NBEA: variants seen among roughly 807,000 people sequenced by gnomAD.
The protein encoded by NBEA is neurobeachin, also known as lysosomal-trafficking regulator 2.
Under a neutral mutation model 343.4 loss-of-function variants are expected in NBEA, and 44 were observed. That is an observed-to-expected ratio of 0.13 (90% confidence interval 0.10 to 0.16). The LOEUF (loss-of-function observed/expected upper bound fraction) is 0.16. NBEA is among the 10% of genes least tolerant of loss of function. The pLI, the probability that NBEA is intolerant of heterozygous loss-of-function variation, is 1.00. For missense variants in NBEA, 2,555 were observed against 3,631.3 expected, an observed-to-expected ratio of 0.70 and a Z score of 7.62; for synonymous variants, 1,175 against 1,238.7, an observed-to-expected ratio of 0.95 and a Z score of 1.08.
intron 34 of NBEA, among the ~76,000 whole-genome samples, chr13:35,283,270 A>G (rs1428935203): frequency 6.6e-6 from 1 of 152,178 alleles, no homozygotes; most frequent in Non-Finnish European, 1.5e-5. Flanking sequence ...ACACAATGAC[A>G]AAAAATTTAG....
chr13:35,101,523 G>A, intron 11 of NBEA, among the ~76,000 whole-genome samples: 1 of 151,488 alleles, frequency 6.6e-6, no homozygotes, highest in East Asian at 1.9e-4. Flanking sequence ...AATATCTTTA[G>A]ATCCTTTGCC....
chr13:35,633,016 G>GAA (rs35343385), intron 49 of NBEA, among the ~76,000 whole-genome samples: 36,435 of 117,008 alleles, frequency 0.31, 4,765 homozygotes, highest in South Asian at 0.38. Context: ...GTCTTATTTT[G>GAA]AAAAAAAAAA....
intron 33 of NBEA, among the ~76,000 whole-genome samples, chr13:35,223,883 T>G (rs2074509385): frequency 6.6e-6 from 1 of 152,176 alleles, no homozygotes; most frequent in African/African-American, 2.4e-5. Flanking sequence ...TTGGCAGGGC[T>G]GCATTTCTTA....
At chr13:35,617,107 C>A (rs1177835901) in intron 48 of NBEA, among the ~76,000 whole-genome samples, 1 of 152,206 alleles carries the variant, frequency 6.6e-6, no homozygotes, top group Non-Finnish European at 1.5e-5. Flanking sequence ...AAATATAAAA[C>A]ATTCTCAGAA....
At chr13:35,356,016 T>C (rs2152869285) in intron 38 of NBEA, among the ~76,000 whole-genome samples, 1 of 152,222 alleles carries the variant, frequency 6.6e-6, no homozygotes, top group East Asian at 1.9e-4. Context: ...TTCTTTGCTC[T>C]TTTATCCATA....
In NBEA at chr13:35,379,381, T is replaced by C. The variant is rs569990629; in HGVS notation, c.6179+27058T>C. ...GTCAAATGTTTATATAAGCCTTTGG[T>C]CCATTGTTCTATTGGATTGTCTTTT... On this transcript the variant is annotated intron_variant, in intron 38 of 58. Coordinates refer to ENST00000379939, the MANE Select transcript of NBEA (RefSeq NM_001385012.1). Among the ~76,000 whole-genome samples the C allele has an allele frequency of 2.6e-5, 4 of 152,300 alleles. No individual in the cohort carries two copies. In the South Asian group the frequency reaches 8.3e-4, roughly 32 times the overall value.
rs1221884110 is a variant in NBEA at position 35,406,951 on chromosome 13, T to G, written c.6180-25318T>G. On this transcript the variant is annotated intron_variant, in intron 38 of 58. Transcript: ENST00000379939. The stretch of plus-strand genomic sequence containing the variant: ...CAGATGTTTATGGGTTTTTTTTTCT[T>G]TTTTCTTTGCTCTTTTTTTTTTTTT... Among the ~76,000 whole-genome samples, 9 of 151,572 alleles carry G rather than the reference T, an allele frequency of 5.9e-5. 1 individual carries two copies. The highest frequency in any genetic ancestry group is 5.9e-4 in the Admixed American group (9 of 15,180).
At chr13:34,964,215 C>A (rs76344509) in intron 1 of NBEA, among the ~76,000 whole-genome samples, 7 of 151,886 alleles carry the variant, frequency 4.6e-5, no homozygotes, top group Non-Finnish European at 1.5e-5. Flanking sequence ...TGGTAACTAT[C>A]GTGTTTACTA....
intron 21 of NBEA, among the ~76,000 whole-genome samples, chr13:35,158,774 T>C (rs2069359906): frequency 6.6e-6 from 1 of 152,150 alleles, no homozygotes; most frequent in African/African-American, 2.4e-5. Context: ...GCTTTTAATA[T>C]TGCTGAGTTA....
At chr13:35,065,520 G>C (rs1338832198) in intron 8 of NBEA, among the ~76,000 whole-genome samples, 1 of 151,802 alleles carries the variant, frequency 6.6e-6, no homozygotes, top group African/African-American at 2.4e-5. Flanking sequence ...AATTGTTCTT[G>C]TACTATACTT....
At chr13:35,087,761 T>G (rs1256073878) in intron 10 of NBEA, among the ~76,000 whole-genome samples, 2 of 151,890 alleles carry the variant, frequency 1.3e-5, no homozygotes, top group Non-Finnish European at 2.9e-5. Flanking sequence ...TTTCAGACAC[T>G]TGGACAGAAT....
intron 38 of NBEA, among the ~76,000 whole-genome samples, chr13:35,392,484 GT>G (rs71081250): frequency 0.16 from 22,392 of 136,170 alleles, 1,814 homozygotes; most frequent in East Asian, 0.44. Context: ...TGTTTTTTTT[GT>G]TTTTTTTTTT....
At chr13:35,464,055 T>TC (rs1210225944) in intron 40 of NBEA, among the ~76,000 whole-genome samples, 2 of 152,108 alleles carry the variant, frequency 1.3e-5, no homozygotes, top group Non-Finnish European at 2.9e-5. Flanking sequence ...TTAATTTTTT[T>TC]CCAAAATATG....
At chr13:35,336,176 C>T (rs1176003655) in intron 36 of NBEA, among the ~76,000 whole-genome samples, 2 of 152,034 alleles carry the variant, frequency 1.3e-5, no homozygotes, top group Non-Finnish European at 2.9e-5. Flanking sequence ...AAAAATCACT[C>T]ATCAGATAAT....
intron 34 of NBEA, among the ~76,000 whole-genome samples, chr13:35,245,364 A>G (rs1267708169): frequency 6.6e-6 from 1 of 151,264 alleles, no homozygotes; most frequent in Non-Finnish European, 1.5e-5. Context: ...TTTTTTTTGT[A>G]ATTTTGTTTT....
intron 1 of NBEA, among the ~76,000 whole-genome samples, chr13:35,012,395 T>G (rs2061516918): frequency 6.6e-6 from 1 of 152,180 alleles, no homozygotes. Context: ...TCACCTCTCT[T>G]TAGGACCCAT....
intron 25 of NBEA, chr13:35,171,060 G>A (rs750479325): frequency 1.5e-6 from 1 of 683,320 alleles, no homozygotes; most frequent in Admixed American, 1.8e-5. Context: ...TTTTAAAATG[G>A]GCTTTTCCTT....
intron 16 of NBEA, 77 bp downstream of exon 16, chr13:35,118,551 T>G: frequency 2.9e-6 from 3 of 1,020,332 alleles, no homozygotes; most frequent in Non-Finnish European, 4.3e-6. Flanking sequence ...TGCTATTCTA[T>G]GAATATTTGA....
intron 38 of NBEA, among the ~76,000 whole-genome samples, chr13:35,410,949 C>T (rs1002620129): frequency 3.3e-5 from 5 of 152,170 alleles, no homozygotes; most frequent in African/African-American, 1.2e-4. Flanking sequence ...TCTCAACACA[C>T]TCTCATAATA....
Sources: allele counts gnomAD v4.1 joint callset (sites outside exome capture counted in the v4.1 genomes callset), GRCh38; gene constraint gnomAD v4.1.1; transcripts MANE v1.5; gene names NCBI Gene and HGNC (gene_info 2026-07-23, HGNC 2026-07-21).